The following STK24 variants were observed in gnomAD, a reference collection of about 807,000 sequenced individuals.
STK24 encodes serine/threonine kinase 24.
Under a neutral mutation model 55.6 loss-of-function variants are expected in STK24, and 21 were observed. The observed-to-expected ratio is 0.38, with a 90% CI of 0.27 to 0.54. The LOEUF is 0.54. Among genes scored for constraint, STK24 ranks in the 20% least tolerant of loss-of-function variants. The probability of loss-of-function intolerance (pLI) is 0.79; values close to 1 mark genes in which losing one functional copy is unlikely to be tolerated. For missense variants in STK24, 383 were observed against 538.4 expected, an observed-to-expected ratio of 0.71 and a Z score of 2.86; for synonymous variants, 200 against 215.2, an observed-to-expected ratio of 0.93 and a Z score of 0.62.
intron 2 of STK24, among the ~76,000 whole-genome samples, chr13:98,506,580 A>C (rs900671509): frequency 2.0e-5 from 3 of 152,224 alleles, no homozygotes; most frequent in African/African-American, 7.2e-5. Context: ...CTCCTCCGTT[A>C]TCAATCACAC....
chr13:98,503,111 A>C (rs1478229590), intron 2 of STK24, among the ~76,000 whole-genome samples: 1 of 149,254 alleles, frequency 6.7e-6, no homozygotes, highest in African/African-American at 2.5e-5. Flanking sequence ...CTCAACTGCC[A>C]AACAAATACA....
At chr13:98,482,512 C>G (rs1196532747) in intron 2 of STK24, among the ~76,000 whole-genome samples, 191 bp from the exon 3 acceptor site, 1 of 152,198 alleles carries the variant, frequency 6.6e-6, no homozygotes, top group Admixed American at 6.5e-5. Flanking sequence ...CCATCATGCT[C>G]TGGGAGGGAG....
At chr13:98,512,578 T>C (rs1164535631) in intron 2 of STK24, among the ~76,000 whole-genome samples, 1 of 149,392 alleles carries the variant, frequency 6.7e-6, no homozygotes, top group Non-Finnish European at 1.5e-5. Context: ...TAAGTTTTTT[T>C]TTTTTTTTTT....
Position 98,494,898 on chromosome 13 carries a change from T to C in STK24, c.274-12577A>G, listed in dbSNP as rs543795112. Among the ~76,000 whole-genome samples, 41 of 152,266 alleles carry C rather than the reference T, an allele frequency of 2.7e-4. No homozygotes were observed. In the South Asian group the frequency reaches 8.3e-3, roughly 31 times the overall value. Reference sequence around the variant, plus strand: ...GCCCAGGAGAAGGGTCTGCGACCCATGGAGGGATGCAGAGACAGCTGCTCC... The same window carrying C: ...GCCCAGGAGAAGGGTCTGCGACCCACGGAGGGATGCAGAGACAGCTGCTCC... On this transcript the variant is annotated intron_variant, in intron 2 of 10. Coordinates refer to ENST00000539966, the MANE Select transcript of STK24 (RefSeq NM_001032296.4).
At chr13:98,538,958 G>T (rs548797717) in intron 1 of STK24, among the ~76,000 whole-genome samples, 4 of 152,218 alleles carry the variant, frequency 2.6e-5, no homozygotes, top group African/African-American at 9.7e-5. Flanking sequence ...GGCATTCGAA[G>T]GAGACACAGG....
chr13:98,457,321 A>T lies in STK24; in HGVS notation c.1123-17T>A. The T allele has an allele frequency of 6.2e-7, 1 of 1,613,978 alleles. No homozygotes were observed. Among genetic ancestry groups the T allele is most frequent in the Non-Finnish European group, 8.5e-7 (1 of 1,180,012 alleles). ...CTCCTTCAACTGAAAACACACGAAC[A>T]GGAAGAATGGCATGAAGCACACCAG... On this transcript the variant is annotated splice_polypyrimidine_tract_variant and intron_variant, in intron 9 of 10. Coordinates refer to ENST00000539966, the MANE Select transcript of STK24 (RefSeq NM_001032296.4).
At chr13:98,554,068 C>CAA (rs36119384) in intron 1 of STK24, among the ~76,000 whole-genome samples, 1,830 of 98,076 alleles carry the variant, frequency 0.019, 50 homozygotes, top group African/African-American at 0.063. Flanking sequence ...GACTCAGTCT[C>CAA]AAAAAAAAAA....
intron 2 of STK24, among the ~76,000 whole-genome samples, chr13:98,493,839 A>ATTT (rs781025749): frequency 6.4e-5 from 9 of 141,520 alleles, no homozygotes; most frequent in Non-Finnish European, 1.2e-4. Context: ...CAAAAAAAAA[A>ATTT]TTTTTTTTTT....
intron 2 of STK24, among the ~76,000 whole-genome samples, chr13:98,509,614 G>A (rs1258084474): frequency 2.0e-5 from 3 of 152,172 alleles, no homozygotes; most frequent in African/African-American, 7.2e-5. Flanking sequence ...CATACCAGAA[G>A]CAGGGCTTAG....
At chr13:98,569,455 CAA>C (rs1351181967) in intron 1 of STK24, among the ~76,000 whole-genome samples, 2 of 148,696 alleles carry the variant, frequency 1.3e-5, no homozygotes, top group African/African-American at 5.0e-5. Flanking sequence ...ATATTCAACA[CAA>C]GAGAGCAGCA....
chr13:98,471,650 C>T (rs912081147), intron 5 of STK24, among the ~76,000 whole-genome samples: 1 of 152,180 alleles, frequency 6.6e-6, no homozygotes, highest in Non-Finnish European at 1.5e-5. Context: ...TTCAGCAACA[C>T]CTGAGCAGCC....
At chr13:98,554,567 T>C (rs1405246608) in intron 1 of STK24, among the ~76,000 whole-genome samples, 1 of 152,180 alleles carries the variant, frequency 6.6e-6, no homozygotes. Context: ...GGCTCATCCT[T>C]GTTATCTGAG....
At position 98,566,124 on chromosome 13, in the gene STK24, C is replaced by A. The variant is rs569635388; in HGVS notation, c.42+10621G>T. 1.5e-4 allele frequency among the ~76,000 whole-genome samples: 23 copies of A among 152,268 alleles called. No individual in the cohort carries two copies. In the South Asian group the frequency reaches 1.7e-3, roughly 11 times the overall value. On this transcript the variant is annotated intron_variant, in intron 1 of 10. Coordinates refer to ENST00000539966, the MANE Select transcript of STK24 (RefSeq NM_001032296.4). ...GCTGCCCACCTTGCTGTGCCAGGCACGCTGCCAGCCAGAAGCACGCCAGGC... is the reference window on the plus strand; with the variant it reads ...GCTGCCCACCTTGCTGTGCCAGGCAAGCTGCCAGCCAGAAGCACGCCAGGC...
At chr13:98,520,639 G>A (rs17574543) in intron 1 of STK24, among the ~76,000 whole-genome samples, 37,454 of 152,170 alleles carry the variant, frequency 0.25, 5,500 homozygotes, top group East Asian at 0.42. Context: ...CTGCAGCAAC[G>A]GCGGTGCCTC....
intron 2 of STK24, among the ~76,000 whole-genome samples, chr13:98,494,243 C>G (rs1374944577): frequency 6.7e-6 from 1 of 148,240 alleles, no homozygotes; most frequent in East Asian, 2.0e-4. Flanking sequence ...AACCCCGTCT[C>G]TACTAAAAAT....
intron 1 of STK24, among the ~76,000 whole-genome samples, chr13:98,560,206 G>C (rs760727059): frequency 6.6e-6 from 1 of 152,184 alleles, no homozygotes; most frequent in Non-Finnish European, 1.5e-5. Context: ...TCCAGTCCTC[G>C]TGGGTCACTG....
At position 98,452,621 on chromosome 13, in the gene STK24, A is replaced by AGTTAT. The variant is rs1372967963; in HGVS notation, c.*547_*551dup. The AGTTAT allele has an allele frequency of 6.5e-6, 1 of 152,828 alleles. No homozygotes were observed. Among genetic ancestry groups the AGTTAT allele is most frequent in the Non-Finnish European group, 1.5e-5 (1 of 68,148 alleles). The allele number at this position is 152,828 out of a possible 1,614,324, so 9.5% of individuals were successfully genotyped here. A position where few individuals can be genotyped will look rare whatever the true frequency, so the allele number is the denominator to read the frequency against. On this transcript the variant is annotated 3_prime_UTR_variant, in exon 11 of 11. Transcript: ENST00000539966. ...TAATAAAGGCAAGGCAATAGACTCA[A>AGTTAT]GTTATGGCCTGTCGAATATTTACTC...
At chr13:98,469,534 T>TCCCC (rs1555302507) in intron 5 of STK24, among the ~76,000 whole-genome samples, 33 of 126,412 alleles carry the variant, frequency 2.6e-4, no homozygotes, top group African/African-American at 7.8e-4. Flanking sequence ...AGACCCTGCA[T>TCCCC]CCCCCCCCCC....
At position 98,449,881 on chromosome 13, in the gene STK24, CCCCCACTGTT is replaced by C. The variant is rs1435006494; in HGVS notation, c.*3282_*3291del. 6.6e-6 allele frequency: 1 copy of C among 152,328 alleles called. No homozygotes were observed. Among genetic ancestry groups the C allele is most frequent in the Admixed American group, 6.6e-5 (1 of 15,260 alleles). The allele number at this position is 152,328 out of a possible 1,614,324, so 9.4% of individuals were successfully genotyped here. A position where few individuals can be genotyped will look rare whatever the true frequency, so the allele number is the denominator to read the frequency against. ...TCAGAGTGACACAGGGAGGGCCTGC[CCCCCACTGTT>C]CCCTATGCTCCCCCCACCTCCAGGC... On this transcript the variant is annotated 3_prime_UTR_variant, in exon 11 of 11. Transcript: ENST00000539966.
Sources: gnomAD v4.1 joint callset for allele counts (sites outside exome capture counted in the v4.1 genomes callset) on GRCh38, gnomAD v4.1.1 for gene constraint, MANE v1.5 for transcripts, NCBI Gene and HGNC (gene_info 2026-07-23, HGNC 2026-07-21) for gene names.